Variants in ARHGAP28 observed in about 807,000 individuals in gnomAD.
ARHGAP28 encodes rho GTPase-activating protein 28.
Under a neutral mutation model 90.7 loss-of-function variants are expected in ARHGAP28, and 56 were observed. The ratio of observed to expected loss-of-function variants is 0.62; its 90% CI spans 0.50 to 0.77. The LOEUF is 0.77. Among genes scored for constraint, ARHGAP28 ranks in the 30% least tolerant of loss-of-function variants. The pLI is 0.00. For missense variants in ARHGAP28, 869 were observed against 900.9 expected, an observed-to-expected ratio of 0.96 and a Z score of 0.45; for synonymous variants, 308 against 323.3, an observed-to-expected ratio of 0.95 and a Z score of 0.51.
In ARHGAP28 at chr18:6,744,419, A is replaced by G. The variant is rs188032386; in HGVS notation, c.122+14476A>G. Among the ~76,000 whole-genome samples, 340 of 152,310 alleles carry G rather than the reference A, an allele frequency of 2.2e-3. 3 individuals are homozygous for G. The Middle Eastern group carries it at 0.027, about 12-fold the overall frequency. On this transcript the variant is annotated intron_variant, in intron 1 of 17. Transcript: ENST00000383472. Reference sequence around the variant, plus strand: ...TGAGGGGCTCCATTAGTTGACCTCAAGGGTCTTTTCTCATGCTTAGATTCT... The same window carrying G: ...TGAGGGGCTCCATTAGTTGACCTCAGGGGTCTTTTCTCATGCTTAGATTCT...
At chr18:6,858,775 C>T (rs1213257245) in intron 4 of ARHGAP28, among the ~76,000 whole-genome samples, 1 of 151,932 alleles carries the variant, frequency 6.6e-6, no homozygotes, top group African/African-American at 2.4e-5. Context: ...AGGTGATTCT[C>T]CTGCCTCCCA....
intron 1 of ARHGAP28, among the ~76,000 whole-genome samples, chr18:6,792,974 T>C (rs933485454): frequency 6.6e-6 from 1 of 152,222 alleles, no homozygotes; most frequent in Non-Finnish European, 1.5e-5. Flanking sequence ...AAAGTGTATT[T>C]CAAACATTAA....
intron 1 of ARHGAP28, among the ~76,000 whole-genome samples, chr18:6,756,472 G>T (rs2056110777): frequency 6.6e-6 from 1 of 152,128 alleles, no homozygotes; most frequent in Non-Finnish European, 1.5e-5. Context: ...AAATGTGGAG[G>T]TTGATTTCTT....
chr18:6,735,426 A>G (rs1002350164), intron 1 of ARHGAP28, among the ~76,000 whole-genome samples: 1 of 152,160 alleles, frequency 6.6e-6, no homozygotes, highest in African/African-American at 2.4e-5. Context: ...GTATCTCCCG[A>G]GTCTCCTGCA....
chr18:6,729,808 AT>A lies in ARHGAP28; in HGVS notation c.-13del, dbSNP rs1600132429. 2.1e-6 allele frequency: 3 copies of A among 1,399,360 alleles called. No individual in the cohort carries two copies. Among genetic ancestry groups the A allele is most frequent in the East Asian group, 3.1e-5 (1 of 32,496 alleles). 86.7% of individuals were successfully genotyped at this position (1,399,360 alleles called of 1,614,324 possible). A position where few individuals can be genotyped will look rare whatever the true frequency, so the allele number is the denominator to read the frequency against. ...TTTGTTCTGGGGCCGGCGCCGAGAC[AT>A]GCGCGGCTGACGATGGAGGTGGAGG... On this transcript the variant is annotated 5_prime_UTR_variant, in exon 1 of 18. An upstream start codon of the reference 5' UTR is lost. Coordinates refer to ENST00000383472, the MANE Select transcript of ARHGAP28 (RefSeq NM_001366230.1).
At chr18:6,823,657 C>A (rs1013006853) in intron 1 of ARHGAP28, among the ~76,000 whole-genome samples, 3 of 145,818 alleles carry the variant, frequency 2.1e-5, no homozygotes, top group African/African-American at 7.6e-5. Context: ...CATATTTAAA[C>A]CTCTTAAGCC....
At chr18:6,758,138 G>A (rs2056127452) in intron 1 of ARHGAP28, among the ~76,000 whole-genome samples, 1 of 152,208 alleles carries the variant, frequency 6.6e-6, no homozygotes, top group Admixed American at 6.5e-5. Flanking sequence ...GTCACTGCAT[G>A]GAGTTGTAGG....
chr18:6,908,713 C>CT (rs1262290949), intron 16 of ARHGAP28, among the ~76,000 whole-genome samples: 13 of 152,188 alleles, frequency 8.5e-5, no homozygotes, highest in Non-Finnish European at 1.5e-4. Context: ...TGAATGGGCT[C>CT]TATGTAGTGG....
chr18:6,763,580 GAC>G (rs747977539), intron 1 of ARHGAP28, among the ~76,000 whole-genome samples: 5 of 152,294 alleles, frequency 3.3e-5, no homozygotes, highest in Non-Finnish European at 5.9e-5. Context: ...CTTTACTGCA[GAC>G]ACTTGTTTAA....
intron 7 of ARHGAP28, 138 bp downstream of exon 7, chr18:6,870,870 G>A (rs529005600): frequency 2.6e-4 from 223 of 860,124 alleles, no homozygotes; most frequent in East Asian, 4.2e-4. Flanking sequence ...GCGCGATCTC[G>A]GCTCACTGCA....
chr18:6,827,512 C>T (rs1454367266), intron 2 of ARHGAP28, among the ~76,000 whole-genome samples: 1 of 146,330 alleles, frequency 6.8e-6, no homozygotes, highest in Non-Finnish European at 1.5e-5. Flanking sequence ...CCCCTCACCT[C>T]CCGGACGGGG....
In ARHGAP28 at chr18:6,787,023, C is replaced by G. The variant is rs144102440; in HGVS notation, c.123-37739C>G. Among the ~76,000 whole-genome samples the G allele has an allele frequency of 3.9e-3, 590 of 151,986 alleles. 16 individuals are homozygous for G. The East Asian group carries it at 0.074, about 19-fold the overall frequency. On this transcript the variant is annotated intron_variant, in intron 1 of 17. Coordinates refer to ENST00000383472, the MANE Select transcript of ARHGAP28 (RefSeq NM_001366230.1). ...TCACCTGAGGTCAGGAGTTTGAGAC[C>G]AGCCTGGCCAACATGGTGAAACCCC...
chr18:6,892,456 G>T (rs12953850), intron 14 of ARHGAP28, among the ~76,000 whole-genome samples: 5 of 152,258 alleles, frequency 3.3e-5, no homozygotes, highest in African/African-American at 1.2e-4. Flanking sequence ...CCAGCCTGAA[G>T]ACTTTTTCTG....
At chr18:6,771,319 A>G (rs970172047) in intron 1 of ARHGAP28, among the ~76,000 whole-genome samples, 2 of 152,138 alleles carry the variant, frequency 1.3e-5, no homozygotes, top group African/African-American at 4.8e-5. Flanking sequence ...TGCTGGTATT[A>G]CAGTTATAAG....
Position 6,837,393 on chromosome 18 carries a change from T to C in ARHGAP28, c.522T>C (p.Ile174=), listed in dbSNP as rs148382111. Residue 174 remains isoleucine (I), a synonymous_variant, in exon 3 of 18, where the codon ATT becomes ATC. Coordinates refer to ENST00000383472, the MANE Select transcript of ARHGAP28 (RefSeq NM_001366230.1). ...DKQSIRDVRD[I]FGVSESPPRD... ...AATCTATCAGGGATGTCAGAGACAT[T>C]TTTGGAGTCAGTGAATCTCCTGTAA... 319 of 1,613,786 alleles carry C rather than the reference T, an allele frequency of 2.0e-4. 1 individual carries two copies. In the African/African-American group the frequency reaches 3.8e-3, roughly 19 times the overall value.
chr18:6,835,587 C>A (rs1273486870), intron 2 of ARHGAP28, among the ~76,000 whole-genome samples: 1 of 152,176 alleles, frequency 6.6e-6, no homozygotes, highest in Non-Finnish European at 1.5e-5. Context: ...ATGCTGTTTA[C>A]AAATTAGTCT....
At chr18:6,905,746 T>C (rs2143842569) in intron 16 of ARHGAP28, among the ~76,000 whole-genome samples, 1 of 152,214 alleles carries the variant, frequency 6.6e-6, no homozygotes, top group South Asian at 2.1e-4. Flanking sequence ...CATTGGAACA[T>C]GTGGAAACCA....
At chr18:6,877,631 G>T (rs936390835) in intron 10 of ARHGAP28, among the ~76,000 whole-genome samples, 4 of 152,190 alleles carry the variant, frequency 2.6e-5, no homozygotes, top group Non-Finnish European at 5.9e-5. Context: ...CCTGAGAGTG[G>T]AGTTGGCTGA....
In ARHGAP28 at chr18:6,769,541, A is replaced by G. The variant is rs77464066; in HGVS notation, c.122+39598A>G. On this transcript the variant is annotated intron_variant, in intron 1 of 17. Transcript: ENST00000383472. ...TTCATAAACTCATTTAATTTTCACTATGACCCAATGAGGTAGGTACTGGTA... is the reference window on the plus strand; with the variant it reads ...TTCATAAACTCATTTAATTTTCACTGTGACCCAATGAGGTAGGTACTGGTA... 6.1e-3 allele frequency among the ~76,000 whole-genome samples: 926 copies of G among 152,322 alleles called. 5 individuals carry two copies. The highest frequency in any genetic ancestry group is 0.01 in the Non-Finnish European group (688 of 68,014).
Sources: allele counts gnomAD v4.1 joint callset (sites outside exome capture counted in the v4.1 genomes callset), GRCh38; gene constraint gnomAD v4.1.1; transcripts MANE v1.5; gene names NCBI Gene and HGNC (gene_info 2026-07-23, HGNC 2026-07-21).